The following KIAA1217 variants were observed in gnomAD, a reference collection of about 807,000 sequenced individuals.
KIAA1217 encodes the protein sickle tail protein homolog.
In KIAA1217, 88 loss-of-function variants were observed where a neutral mutation model predicts 163.9. That is an observed-to-expected ratio of 0.54 (90% confidence interval 0.45 to 0.64). KIAA1217 has a LOEUF of 0.64. Among genes scored for constraint, KIAA1217 ranks in the 30% least tolerant of loss-of-function variants. The pLI is 0.00. For missense variants in KIAA1217, 2,372 were observed against 2,475.0 expected (o/e 0.96, Z 0.88); for synonymous variants, 903 against 923.1 (o/e 0.98, Z 0.39).
chr10:24,456,922 G>A (rs997982482), intron 5 of KIAA1217, among the ~76,000 whole-genome samples: 8 of 151,678 alleles, frequency 5.3e-5, no homozygotes, highest in Non-Finnish European at 8.8e-5. Context: ...GGCTGCTCTC[G>A]AATTCCTAAC....
At chr10:24,528,627 C>G (rs2072613026) in intron 14 of KIAA1217, among the ~76,000 whole-genome samples, 1 of 152,138 alleles carries the variant, frequency 6.6e-6, no homozygotes, top group Admixed American at 6.6e-5. Flanking sequence ...CACTTGATTT[C>G]ACTACTACTG....
chr10:24,183,836 A>G (rs1046266511), intron 2 of KIAA1217, among the ~76,000 whole-genome samples: 1 of 152,254 alleles, frequency 6.6e-6, no homozygotes, highest in African/African-American at 2.4e-5. Flanking sequence ...TCTATTCTAT[A>G]TGCTATATGA....
intron 1 of KIAA1217, among the ~76,000 whole-genome samples, chr10:23,788,135 C>T (rs1835579515): frequency 1.3e-5 from 2 of 152,118 alleles, no homozygotes; most frequent in South Asian, 4.1e-4. Flanking sequence ...GAGTTTGAGG[C>T]TGCAGTGAAC....
chr10:24,150,216 C>T (rs1026381917), intron 2 of KIAA1217, among the ~76,000 whole-genome samples: 2 of 152,072 alleles, frequency 1.3e-5, no homozygotes, highest in Non-Finnish European at 2.9e-5. Context: ...GGGGTTTCAC[C>T]ATGTTGGCCA....
At chr10:23,706,485 G>T (rs956164302) in intron 1 of KIAA1217, among the ~76,000 whole-genome samples, 1 of 151,956 alleles carries the variant, frequency 6.6e-6, no homozygotes, top group Admixed American at 6.6e-5. Context: ...TCATGAAATG[G>T]TATTGGATTT....
At chr10:23,921,378 G>A (rs1379314198) in intron 1 of KIAA1217, among the ~76,000 whole-genome samples, 1 of 152,164 alleles carries the variant, frequency 6.6e-6, no homozygotes, top group Admixed American at 6.5e-5. Context: ...CCATCAGAGA[G>A]AGAACTTGTG....
chr10:24,247,769 C>T lies in KIAA1217; in HGVS notation c.354+27860C>T, dbSNP rs537210114. Among the ~76,000 whole-genome samples, 3 of 152,182 alleles carry T rather than the reference C, an allele frequency of 2.0e-5. No individual in the cohort carries two copies. In the South Asian group the frequency reaches 6.2e-4, roughly 32 times the overall value. On this transcript the variant is annotated intron_variant, in intron 2 of 20. Transcript: ENST00000376454. ...TGAGCTGAGATTGCGCCACTGCCCT[C>T]CAGCCTGGACAACAGAGTGAGGCTC...
At chr10:23,994,516 A>T (rs1304902485) in intron 1 of KIAA1217, among the ~76,000 whole-genome samples, 1 of 151,412 alleles carries the variant, frequency 6.6e-6, no homozygotes, top group African/African-American at 2.5e-5. Flanking sequence ...CTTTGGAGAA[A>T]TGGGACAGAA....
chr10:23,750,426 T>G (rs536031938), intron 1 of KIAA1217, among the ~76,000 whole-genome samples: 3 of 152,196 alleles, frequency 2.0e-5, no homozygotes, highest in African/African-American at 4.8e-5. Context: ...CTGTTTCAAC[T>G]GCCTAGAAAC....
At chr10:24,022,396 C>A (rs1052354142) in intron 2 of KIAA1217, among the ~76,000 whole-genome samples, 5 of 151,672 alleles carry the variant, frequency 3.3e-5, no homozygotes, top group Non-Finnish European at 7.4e-5. Context: ...CACATTAAAA[C>A]AACAAGATAC....
At chr10:24,334,732 CAT>C (rs1476658606) in intron 2 of KIAA1217, among the ~76,000 whole-genome samples, 5 of 152,164 alleles carry the variant, frequency 3.3e-5, no homozygotes, top group African/African-American at 1.2e-4. Flanking sequence ...GTGTTTGGCA[CAT>C]AGTCATAATA....
chr10:24,244,108 G>T (rs1329786657), intron 2 of KIAA1217, among the ~76,000 whole-genome samples: 1 of 152,162 alleles, frequency 6.6e-6, no homozygotes, highest in Non-Finnish European at 1.5e-5. Flanking sequence ...ATAAAATAGA[G>T]CATCTGAATT....
chr10:24,153,293 T>C (rs2064710559), intron 2 of KIAA1217, among the ~76,000 whole-genome samples: 1 of 152,224 alleles, frequency 6.6e-6, no homozygotes, highest in Non-Finnish European at 1.5e-5. Flanking sequence ...TTTATACTTT[T>C]GAGGGTAAGA....
At chr10:24,290,464 A>G (rs973658022) in intron 2 of KIAA1217, among the ~76,000 whole-genome samples, 2 of 152,140 alleles carry the variant, frequency 1.3e-5, no homozygotes, top group African/African-American at 4.8e-5. Flanking sequence ...GTATCTGCAA[A>G]CATTACCTGT....
intron 1 of KIAA1217, among the ~76,000 whole-genome samples, chr10:23,722,182 G>A (rs1373937441): frequency 6.6e-6 from 1 of 152,146 alleles, no homozygotes; most frequent in African/African-American, 2.4e-5. Context: ...CCTGAGGCTG[G>A]GGGAAGGGGA....
chr10:24,393,873 A>C (rs749456885), intron 3 of KIAA1217, among the ~76,000 whole-genome samples: 3 of 152,172 alleles, frequency 2.0e-5, no homozygotes, highest in Non-Finnish European at 4.4e-5. Context: ...CCACGTACTT[A>C]ATTGTGGCAG....
At chr10:24,193,344 G>A (rs1205995714) in intron 2 of KIAA1217, among the ~76,000 whole-genome samples, 4 of 152,178 alleles carry the variant, frequency 2.6e-5, no homozygotes, top group Admixed American at 2.6e-4. Flanking sequence ...GAGAAAATTT[G>A]CTATGAAGCA....
chr10:24,291,486 C>T (rs1194869405), intron 2 of KIAA1217, among the ~76,000 whole-genome samples: 1 of 152,162 alleles, frequency 6.6e-6, no homozygotes, highest in Non-Finnish European at 1.5e-5. Context: ...GTCAAGATCG[C>T]ACCATTGCAC....
chr10:24,492,147 T>C (rs1397611415), intron 6 of KIAA1217, among the ~76,000 whole-genome samples: 2 of 152,186 alleles, frequency 1.3e-5, no homozygotes, highest in Non-Finnish European at 2.9e-5. Context: ...GTCATTCATT[T>C]CCCAAGAGTG....
Sources: allele counts gnomAD v4.1 joint callset (sites outside exome capture counted in the v4.1 genomes callset), GRCh38; gene constraint gnomAD v4.1.1; transcripts MANE v1.5; gene names NCBI Gene and HGNC (gene_info 2026-07-23, HGNC 2026-07-21).